Variants in GRIP1 observed in about 807,000 individuals in gnomAD.
GRIP1 encodes the protein glutamate receptor interacting protein 1, also known as glutamate receptor-interacting protein 1.
A neutral mutation model predicts 129.9 loss-of-function variants in GRIP1; 45 were observed. That is an observed-to-expected ratio of 0.35 (90% CI 0.27 to 0.44). The LOEUF is 0.44. Among genes scored for constraint, GRIP1 ranks in the 20% least tolerant of loss-of-function variants. The pLI, the probability that GRIP1 is intolerant of heterozygous loss-of-function variation, is 1.00. For synonymous variants in GRIP1, 530 were observed against 520.8 expected (o/e 1.02, Z -0.24); for missense variants, 1,196 against 1,396.8 (o/e 0.86, Z 2.29).
chr12:66,827,387 T>TGTGTGTGAGAGA (rs755458052), intron 1 of GRIP1, among the ~76,000 whole-genome samples: 3,355 of 108,146 alleles, frequency 0.031, 63 homozygotes, highest in Non-Finnish European at 0.047. Context: ...TGTGTGTGTG[T>TGTGTGTGAGAGA]GAGAGAGAGA....
intron 1 of GRIP1, among the ~76,000 whole-genome samples, chr12:66,700,946 T>C (rs1295427637): frequency 6.6e-6 from 1 of 152,168 alleles, no homozygotes; most frequent in Non-Finnish European, 1.5e-5. Flanking sequence ...TGCTATGTGC[T>C]TGACCTACAT....
chr12:67,055,470 G>T (rs1047947154), intron 1 of GRIP1, among the ~76,000 whole-genome samples: 2 of 152,166 alleles, frequency 1.3e-5, no homozygotes, highest in African/African-American at 4.8e-5. Context: ...GCTTGAAAAT[G>T]ACACAAGACA....
intron 2 of GRIP1, among the ~76,000 whole-genome samples, chr12:66,585,031 T>A (rs1355794870): frequency 6.6e-6 from 1 of 152,144 alleles, no homozygotes; most frequent in Non-Finnish European, 1.5e-5. Context: ...CCCCTGCCTC[T>A]TTTGTTTTTT....
At position 66,438,288 on chromosome 12, in the gene GRIP1, A is replaced by T. The variant is rs569818721; in HGVS notation, c.1688-5660T>A. On this transcript the variant is annotated intron_variant, in intron 13 of 24. Transcript: ENST00000359742. ...GAACTGGCTGGGTACTTTAGCAAAG[A>T]TGGGACAATTACATACAATAAAAAG... Among the ~76,000 whole-genome samples, 6 of 152,290 alleles carry T rather than the reference A, an allele frequency of 3.9e-5. No homozygotes were observed. The South Asian group carries it at 1.2e-3, about 32-fold the overall frequency.
chr12:66,500,045 A>G (rs2060348038), intron 7 of GRIP1, among the ~76,000 whole-genome samples: 1 of 152,168 alleles, frequency 6.6e-6, no homozygotes, highest in African/African-American at 2.4e-5. Context: ...AACAATTTTG[A>G]AAGGCTGTAA....
At chr12:66,767,177 T>C (rs1317325151) in intron 1 of GRIP1, among the ~76,000 whole-genome samples, 1 of 152,254 alleles carries the variant, frequency 6.6e-6, no homozygotes, top group Non-Finnish European at 1.5e-5. Flanking sequence ...TAAATGCTTT[T>C]ATTTTATTTA....
intron 1 of GRIP1, among the ~76,000 whole-genome samples, chr12:67,068,148 T>A (rs944603150): frequency 1.4e-4 from 21 of 152,166 alleles, no homozygotes; most frequent in Non-Finnish European, 7.4e-5. Flanking sequence ...GTTACCAAGC[T>A]GAACTCCCTG....
chr12:66,474,005 T>C (rs2059525827), intron 7 of GRIP1, among the ~76,000 whole-genome samples: 1 of 151,992 alleles, frequency 6.6e-6, no homozygotes. Flanking sequence ...AGAAGTAGGC[T>C]TCAGAAGATG....
chr12:66,638,668 A>T (rs866277160), intron 1 of GRIP1, among the ~76,000 whole-genome samples: 2 of 152,356 alleles, frequency 1.3e-5, no homozygotes, highest in Middle Eastern at 6.8e-3. Context: ...ATAAAATACG[A>T]AATCAATTTT....
intron 23 of GRIP1, among the ~76,000 whole-genome samples, chr12:66,359,620 A>G (rs1378249590): frequency 6.6e-6 from 1 of 152,226 alleles, no homozygotes; most frequent in African/African-American, 2.4e-5. Flanking sequence ...ATGAGAGGCT[A>G]ATAAATAGTT....
chr12:66,705,357 G>T (rs2035491404), intron 1 of GRIP1, among the ~76,000 whole-genome samples: 1 of 151,820 alleles, frequency 6.6e-6, no homozygotes, highest in Admixed American at 6.6e-5. Flanking sequence ...AGGGATATGA[G>T]GAGCCTCTTC....
chr12:66,362,239 C>T (rs562984050), intron 23 of GRIP1, among the ~76,000 whole-genome samples: 4 of 145,000 alleles, frequency 2.8e-5, no homozygotes, highest in African/African-American at 5.2e-5. Flanking sequence ...CCACAATGTC[C>T]GCCTCCTGGG....
chr12:66,764,610 G>C (rs1200386212), intron 1 of GRIP1, among the ~76,000 whole-genome samples: 1 of 152,170 alleles, frequency 6.6e-6, no homozygotes, highest in Non-Finnish European at 1.5e-5. Flanking sequence ...GTAAATCATG[G>C]ATACATTCTA....
upstream of GRIP1, among the ~76,000 whole-genome samples, chr12:66,681,718 A>G (rs1228983071): frequency 2.0e-5 from 3 of 152,178 alleles, no homozygotes; most frequent in Non-Finnish European, 4.4e-5. Context: ...TTAAGCCCCA[A>G]TGTGATCTGA....
At chr12:66,462,473 A>T (rs756891431) in intron 9 of GRIP1, among the ~76,000 whole-genome samples, 6 of 152,206 alleles carry the variant, frequency 3.9e-5, no homozygotes, top group African/African-American at 1.4e-4. Context: ...AGAAAAAAAT[A>T]TCAAATAGCA....
intron 14 of GRIP1, among the ~76,000 whole-genome samples, chr12:66,421,888 T>A (rs2057814359): frequency 6.6e-6 from 1 of 152,036 alleles, no homozygotes; most frequent in South Asian, 2.1e-4. Context: ...AGAAACTAAT[T>A]ATAGTCCATA....
chr12:66,864,689 C>CAGAG (rs2040172135), intron 1 of GRIP1, among the ~76,000 whole-genome samples: 1 of 152,164 alleles, frequency 6.6e-6, no homozygotes, highest in Admixed American at 6.6e-5. Flanking sequence ...GCCTGGGTGA[C>CAGAG]AGAGAGAGAC....
chr12:66,792,047 A>C (rs2038555101), intron 1 of GRIP1, among the ~76,000 whole-genome samples: 1 of 152,206 alleles, frequency 6.6e-6, no homozygotes. Context: ...TGGGAAAATG[A>C]GATTTTATGA....
intron 19 of GRIP1, among the ~76,000 whole-genome samples, chr12:66,380,816 C>T (rs1336581146): frequency 6.6e-6 from 1 of 152,174 alleles, no homozygotes; most frequent in East Asian, 1.9e-4. Context: ...TCATCCACTA[C>T]CTCAGGTTGT....
Sources: allele counts gnomAD v4.1 joint callset (sites outside exome capture counted in the v4.1 genomes callset), GRCh38; gene constraint gnomAD v4.1.1; transcripts MANE v1.5; gene names NCBI Gene and HGNC (gene_info 2026-07-23, HGNC 2026-07-21).